ELAVL4: variants seen among roughly 807,000 people sequenced by gnomAD.
ELAVL4 encodes the protein ELAV-like protein 4.
In ELAVL4, 1 loss-of-function variant was observed where a neutral mutation model predicts 35.6. That is an observed-to-expected ratio of 0.03 (90% confidence interval 0.01 to 0.13). The LOEUF is 0.13. Ranked by LOEUF, ELAVL4 falls within the 10% of genes least tolerant of loss-of-function variation. The pLI is 1.00. For missense variants in ELAVL4, 267 were observed against 464.9 expected (o/e 0.57, Z 3.91); for synonymous variants, 156 against 171.0 (o/e 0.91, Z 0.69).
At chr1:50,109,976 G>C (rs770100808) in intron 1 of ELAVL4, 3 of 1,612,304 alleles carry the variant, frequency 1.9e-6, no homozygotes, top group Non-Finnish European at 2.5e-6. Context: ...TAAGTGAAAA[G>C]AGGAAGGCAG....
intron 1 of ELAVL4, among the ~76,000 whole-genome samples, chr1:50,059,718 T>C (rs931621109): frequency 2.0e-5 from 3 of 151,816 alleles, no homozygotes; most frequent in African/African-American, 7.3e-5. Flanking sequence ...CAGATGTCCA[T>C]GAATGGATGA....
At chr1:50,048,147 G>A in exon 1 of ELAVL4, 3 of 1,520,742 alleles carry the variant, frequency 2.0e-6, no homozygotes, top group African/African-American at 1.4e-5. Flanking sequence ...CCTCGGGCCG[G>A]ATCGCCCGGC....
At chr1:50,071,830 G>A (rs778544544) in intron 1 of ELAVL4, among the ~76,000 whole-genome samples, 16 of 152,108 alleles carry the variant, frequency 1.1e-4, no homozygotes, top group Non-Finnish European at 1.6e-4. Flanking sequence ...AATGGGAGGA[G>A]GAGAGGCTCC....
intron 2 of ELAVL4, among the ~76,000 whole-genome samples, chr1:50,167,533 C>G (rs1342002069): frequency 1.3e-5 from 2 of 152,194 alleles, no homozygotes; most frequent in Non-Finnish European, 2.9e-5. Context: ...GCCGGCTAAT[C>G]ACCCCGAGGA....
chr1:50,050,887 G>A (rs7513310), intron 1 of ELAVL4, among the ~76,000 whole-genome samples: 14,271 of 152,126 alleles, frequency 0.094, 906 homozygotes, highest in African/African-American at 0.17. Flanking sequence ...AATATGTAAA[G>A]TGTGTTTAGC....
At chr1:50,100,839 T>C (rs542062119), upstream of ELAVL4, among the ~76,000 whole-genome samples, 9 of 152,348 alleles carry the variant, frequency 5.9e-5, no homozygotes, top group East Asian at 1.7e-3. Flanking sequence ...TATGATTTTC[T>C]TGTTATTCTC....
At chr1:50,092,365 A>G (rs1323010040) in intron 1 of ELAVL4, among the ~76,000 whole-genome samples, 1 of 152,168 alleles carries the variant, frequency 6.6e-6, no homozygotes, top group Admixed American at 6.5e-5. Context: ...AACTTGTGCA[A>G]AGGCATAAAA....
chr1:50,071,331 C>T (rs1023412318), intron 1 of ELAVL4, among the ~76,000 whole-genome samples: 11 of 152,208 alleles, frequency 7.2e-5, no homozygotes, highest in South Asian at 2.1e-4. Context: ...CTCCTCATTA[C>T]GCCATGGACA....
intron 1 of ELAVL4, among the ~76,000 whole-genome samples, chr1:50,055,448 C>T (rs6679110): frequency 0.32 from 48,650 of 151,586 alleles, 8,497 homozygotes; most frequent in East Asian, 0.73. Flanking sequence ...TACAGGCGCC[C>T]GCCACCACAC....
At chr1:50,097,430 A>G (rs1665766117) in intron 1 of ELAVL4, among the ~76,000 whole-genome samples, 2 of 152,222 alleles carry the variant, frequency 1.3e-5, no homozygotes, top group Non-Finnish European at 2.9e-5. Context: ...ACTTATTTAT[A>G]AACTCTGACA....
intron 1 of ELAVL4, among the ~76,000 whole-genome samples, chr1:50,069,974 A>T (rs540022230): frequency 2.2e-4 from 34 of 152,320 alleles, no homozygotes; most frequent in African/African-American, 8.2e-4. Context: ...GCTGTTTTTA[A>T]TATCTTCTAT....
intron 1 of ELAVL4, among the ~76,000 whole-genome samples, chr1:50,118,812 T>TA (rs1668395884): frequency 6.6e-6 from 1 of 151,896 alleles, no homozygotes; most frequent in Non-Finnish European, 1.5e-5. Context: ...GAATTCTACT[T>TA]CATATGCTTA....
intron 1 of ELAVL4, among the ~76,000 whole-genome samples, chr1:50,055,534 C>T (rs1026714510): frequency 6.6e-6 from 1 of 151,806 alleles, no homozygotes; most frequent in Non-Finnish European, 1.5e-5. Context: ...CTCCTGACCT[C>T]GTGATCCACC....
At chr1:50,198,134 A>T (rs1474503445) in intron 6 of ELAVL4, among the ~76,000 whole-genome samples, 1 of 152,182 alleles carries the variant, frequency 6.6e-6, no homozygotes, top group East Asian at 1.9e-4. Context: ...TGTGTGTTTT[A>T]AACTTGCTGT....
chr1:50,191,507 G>A (rs904818529), intron 3 of ELAVL4, among the ~76,000 whole-genome samples: 1 of 152,114 alleles, frequency 6.6e-6, no homozygotes, highest in Non-Finnish European at 1.5e-5. Context: ...TTCAGTAGGT[G>A]TTGAACACTT....
intron 2 of ELAVL4, among the ~76,000 whole-genome samples, chr1:50,155,208 G>C (rs1388289773): frequency 8.3e-6 from 1 of 119,934 alleles, no homozygotes; most frequent in African/African-American, 3.4e-5. Flanking sequence ...AGAGTATGAT[G>C]TTCCCCTTCC....
upstream of ELAVL4, among the ~76,000 whole-genome samples, chr1:50,102,043 T>C (rs1666002834): frequency 6.6e-6 from 1 of 152,196 alleles, no homozygotes. Flanking sequence ...ATCCCAGCAC[T>C]TGGGGAGGCC....
At chr1:50,109,747 T>C in intron 1 of ELAVL4, 1 of 631,884 alleles carries the variant, frequency 1.6e-6, no homozygotes, top group Non-Finnish European at 2.8e-6. Flanking sequence ...TGCTGCATCT[T>C]GTATTTCAAA....
At chr1:50,190,500 GAAC>G (rs1394658423) in intron 3 of ELAVL4, among the ~76,000 whole-genome samples, 1 of 152,160 alleles carries the variant, frequency 6.6e-6, no homozygotes, top group Non-Finnish European at 1.5e-5. Context: ...GAAACTGAGA[GAAC>G]AATAGACTTA....
Sources: gnomAD v4.1 joint callset for allele counts (sites outside exome capture counted in the v4.1 genomes callset) on GRCh38, gnomAD v4.1.1 for gene constraint, MANE v1.5 for transcripts, NCBI Gene and HGNC (gene_info 2026-07-23, HGNC 2026-07-21) for gene names.